Variants in ULK4 observed in about 807,000 individuals in gnomAD.
ULK4 encodes the protein inactive serine/threonine-protein kinase ULK4.
A neutral mutation model predicts 160.6 loss-of-function variants in ULK4; 133 were observed. The observed-to-expected ratio is 0.83, with a 90% CI of 0.72 to 0.96. The LOEUF (loss-of-function observed/expected upper bound fraction) is 0.96, where lower values mean the gene tolerates loss of function less well. Ranked by LOEUF, ULK4 falls within the 40% of genes least tolerant of loss-of-function variation. ULK4 has a pLI of 0.00. For synonymous variants in ULK4, 534 were observed against 539.8 expected (o/e 0.99, Z 0.15); for missense variants, 1,580 against 1,499.5 (o/e 1.05, Z -0.89).
At chr3:41,931,486 A>AAAAAG (rs1699599950) in intron 5 of ULK4, among the ~76,000 whole-genome samples, 1 of 151,548 alleles carries the variant, frequency 6.6e-6, no homozygotes, top group African/African-American at 2.4e-5. Context: ...AAAAAAAAAA[A>AAAAAG]AAGAAAGAAA....
At chr3:41,732,138 C>A (rs1023213099) in intron 22 of ULK4, among the ~76,000 whole-genome samples, 1 of 151,992 alleles carries the variant, frequency 6.6e-6, no homozygotes, top group Non-Finnish European at 1.5e-5. Flanking sequence ...GAGATTGCAT[C>A]AAACTAAAAA....
intron 31 of ULK4, among the ~76,000 whole-genome samples, chr3:41,574,388 C>T (rs2088109142): frequency 6.6e-6 from 1 of 152,026 alleles, no homozygotes; most frequent in African/African-American, 2.4e-5. Flanking sequence ...CTCGAATCTC[C>T]CTTGAGCCCC....
intron 20 of ULK4, among the ~76,000 whole-genome samples, chr3:41,795,245 C>T (rs1474759204): frequency 6.6e-6 from 1 of 152,182 alleles, no homozygotes; most frequent in Non-Finnish European, 1.5e-5. Flanking sequence ...TCATGTAAAT[C>T]TATTAACCGT....
intron 30 of ULK4, among the ~76,000 whole-genome samples, chr3:41,647,738 G>T (rs1268842236): frequency 6.6e-6 from 1 of 152,214 alleles, no homozygotes; most frequent in Non-Finnish European, 1.5e-5. Context: ...GTCAGACAGG[G>T]ACATTTAAGT....
In ULK4 at chr3:41,951,590, T is replaced by C. The variant is rs191832201; in HGVS notation, c.138+3032A>G. ...CAATAAGTATTCCAAAACTATTCAATGAGGAAAGGGCAGTCTTTTCAACAA... is the reference window on the plus strand; with the variant it reads ...CAATAAGTATTCCAAAACTATTCAACGAGGAAAGGGCAGTCTTTTCAACAA... On this transcript the variant is annotated intron_variant, in intron 2 of 36. Transcript: ENST00000301831. 5.9e-3 allele frequency among the ~76,000 whole-genome samples: 898 copies of C among 152,256 alleles called. 10 individuals carry two copies. The highest frequency in any genetic ancestry group is 0.02 in the African/African-American group (831 of 41,540).
At chr3:41,756,426 C>CA (rs1252799431) in intron 21 of ULK4, among the ~76,000 whole-genome samples, 1 of 152,108 alleles carries the variant, frequency 6.6e-6, no homozygotes, top group Non-Finnish European at 1.5e-5. Flanking sequence ...CTAATTATGG[C>CA]ATATGAGGTT....
In ULK4 at chr3:41,655,180, A is replaced by G. The variant is rs149217895; in HGVS notation, c.3071+8427T>C. Among the ~76,000 whole-genome samples, 875 of 152,028 alleles carry G rather than the reference A, an allele frequency of 5.8e-3. 4 individuals are homozygous for G. Among genetic ancestry groups the G allele is most frequent in the African/African-American group, 0.02 (848 of 41,430 alleles). ...AATCGTTTAAATTATCTAGGTGTAC[A>G]TGGAATGCTACGCAGCCATAACAAG... On this transcript the variant is annotated intron_variant, in intron 30 of 36. Coordinates refer to ENST00000301831, the MANE Select transcript of ULK4 (RefSeq NM_017886.4).
chr3:41,656,742 T>C (rs2034948765), intron 30 of ULK4, among the ~76,000 whole-genome samples: 1 of 152,206 alleles, frequency 6.6e-6, no homozygotes, highest in African/African-American at 2.4e-5. Flanking sequence ...AACAGCACTT[T>C]TATGAATCTT....
chr3:41,709,020 T>C (rs2036999566), intron 25 of ULK4, among the ~76,000 whole-genome samples: 1 of 152,224 alleles, frequency 6.6e-6, no homozygotes, highest in South Asian at 2.1e-4. Context: ...GTCACATACA[T>C]GTTATAGATA....
At chr3:41,449,803 T>A (rs1045165355) in intron 34 of ULK4, among the ~76,000 whole-genome samples, 10 of 151,134 alleles carry the variant, frequency 6.6e-5, no homozygotes, top group African/African-American at 2.0e-4. Context: ...TACTTTTTTT[T>A]AAAACTGGCA....
At chr3:41,310,661 CAG>C (rs2080031283) in intron 35 of ULK4, among the ~76,000 whole-genome samples, 1 of 151,962 alleles carries the variant, frequency 6.6e-6, no homozygotes, top group Non-Finnish European at 1.5e-5. Flanking sequence ...AGCATAAAAA[CAG>C]AGAAAGGCTG....
intron 16 of ULK4, among the ~76,000 whole-genome samples, chr3:41,888,043 A>G (rs1697790749): frequency 6.6e-6 from 1 of 152,048 alleles, no homozygotes; most frequent in South Asian, 2.1e-4. Context: ...AGGCATGGTA[A>G]CATGCACCTG....
At chr3:41,875,124 A>G (rs1697252504) in intron 17 of ULK4, among the ~76,000 whole-genome samples, 1 of 152,202 alleles carries the variant, frequency 6.6e-6, no homozygotes, top group Non-Finnish European at 1.5e-5. Flanking sequence ...ACTTTCAGTG[A>G]GCCATGATCG....
intron 32 of ULK4, among the ~76,000 whole-genome samples, chr3:41,506,767 A>AAAAAAAAAAAAAAAAAAAAATAAATAT: frequency 3.5e-4 from 20 of 56,790 alleles, no homozygotes; most frequent in Admixed American, 6.5e-4. Context: ...TGTGATTTAA[A>AAAAAAAAAAAAAAAAAAAAATAAATAT]ATATATATAT....
At chr3:41,665,001 C>T (rs1238683818) in intron 29 of ULK4, among the ~76,000 whole-genome samples, 3 of 151,458 alleles carry the variant, frequency 2.0e-5, no homozygotes, top group African/African-American at 7.3e-5. Context: ...TGTAGATGCT[C>T]AATAAACAAG....
At chr3:41,361,573 T>C (rs1327322256) in intron 35 of ULK4, among the ~76,000 whole-genome samples, 4 of 152,178 alleles carry the variant, frequency 2.6e-5, no homozygotes, top group Non-Finnish European at 1.5e-5. Context: ...AGTACATCAT[T>C]TGGAGATTAT....
intron 22 of ULK4, among the ~76,000 whole-genome samples, chr3:41,748,696 C>T (rs910180260): frequency 5.7e-4 from 87 of 152,276 alleles, no homozygotes; most frequent in Admixed American, 1.0e-3. Flanking sequence ...AATTATCACT[C>T]TTGTAATTTA....
intron 32 of ULK4, among the ~76,000 whole-genome samples, chr3:41,534,473 T>TA (rs1379791372): frequency 6.7e-6 from 1 of 149,458 alleles, no homozygotes; most frequent in Non-Finnish European, 1.5e-5. Context: ...TACTTTTTTT[T>TA]ATAATTCTCT....
intron 20 of ULK4, among the ~76,000 whole-genome samples, chr3:41,794,422 T>G (rs1216520219): frequency 6.6e-6 from 1 of 151,810 alleles, no homozygotes; most frequent in Non-Finnish European, 1.5e-5. Flanking sequence ...TCCTGGCACT[T>G]TGGGAGGCAG....
Sources: allele counts gnomAD v4.1 joint callset (sites outside exome capture counted in the v4.1 genomes callset), GRCh38; gene constraint gnomAD v4.1.1; transcripts MANE v1.5; gene names NCBI Gene and HGNC (gene_info 2026-07-23, HGNC 2026-07-21).